Variants in DSCAML1 observed in about 807,000 individuals in gnomAD.
DSCAML1 encodes the protein DS cell adhesion molecule like 1.
Under a neutral mutation model 200.5 loss-of-function variants are expected in DSCAML1, and 38 were observed. That is an observed-to-expected ratio of 0.19 (90% CI 0.15 to 0.25). DSCAML1 has a LOEUF of 0.25. DSCAML1 is among the 10% of genes least tolerant of loss of function. The pLI, the probability that DSCAML1 is intolerant of heterozygous loss-of-function variation, is 1.00. For missense variants in DSCAML1, 2,223 were observed against 2,858.8 expected (o/e 0.78, Z 5.07); for synonymous variants, 1,215 against 1,165.0 (o/e 1.04, Z -0.87).
At chr11:117,737,017 G>A (rs2071245677) in intron 3 of DSCAML1, among the ~76,000 whole-genome samples, 1 of 152,170 alleles carries the variant, frequency 6.6e-6, no homozygotes, top group South Asian at 2.1e-4. Flanking sequence ...CCGGCACACA[G>A]CAAGAGCTCA....
At position 117,675,550 on chromosome 11, in the gene DSCAML1, CA is replaced by C. The variant is rs112845036; in HGVS notation, c.511+101240del. Among the ~76,000 whole-genome samples the C allele has an allele frequency of 2.6e-3, 372 of 142,012 alleles. 3 individuals carry two copies. Among genetic ancestry groups the C allele is most frequent in the African/African-American group, 9.5e-3 (358 of 37,740 alleles). The allele number at this position is 142,012 out of a possible 152,430, so 93.2% of individuals were successfully genotyped here. Reference sequence around the variant, plus strand: ...CAGGTTGATCTTAAACTTCTGGCCTCAAGCAATACTCCCACCTCTGGGGACC... The same window carrying C: ...CAGGTTGATCTTAAACTTCTGGCCTCAGCAATACTCCCACCTCTGGGGACC... On this transcript the variant is annotated intron_variant, in intron 3 of 32. Coordinates refer to ENST00000651296, the MANE Select transcript of DSCAML1 (RefSeq NM_020693.4).
At chr11:117,465,992 G>T (rs78577579) in intron 16 of DSCAML1, among the ~76,000 whole-genome samples, 5,593 of 152,294 alleles carry the variant, frequency 0.037, 172 homozygotes, top group Non-Finnish European at 0.056. Flanking sequence ...TACATTGCTG[G>T]TGGGAATGGA....
At chr11:117,753,024 G>A (rs2054628235) in intron 3 of DSCAML1, among the ~76,000 whole-genome samples, 1 of 152,186 alleles carries the variant, frequency 6.6e-6, no homozygotes, top group Non-Finnish European at 1.5e-5. Flanking sequence ...GACACAGCAA[G>A]TAACTGCACG....
At position 117,737,424 on chromosome 11, in the gene DSCAML1, G is replaced by A. The variant is rs550904282; in HGVS notation, c.511+39367C>T. On this transcript the variant is annotated intron_variant, in intron 3 of 32. Transcript: ENST00000651296. ...AGTGCATGGGGGAATGCCAGGTGCCGCCTGCTCCCAGGGAGCACACCTCAG... is the reference window on the plus strand; with the variant it reads ...AGTGCATGGGGGAATGCCAGGTGCCACCTGCTCCCAGGGAGCACACCTCAG... Among the ~76,000 whole-genome samples the A allele has an allele frequency of 1.2e-4, 19 of 152,236 alleles. 1 individual carries two copies. Among genetic ancestry groups the A allele is most frequent in the African/African-American group, 4.1e-4 (17 of 41,536 alleles).
chr11:117,458,979 C>T, intron 18 of DSCAML1, 70 bp from the exon 19 acceptor site: 2 of 1,568,348 alleles, frequency 1.3e-6, no homozygotes, highest in Admixed American at 3.4e-5. Context: ...ACCCCTGCTG[C>T]CTGGGCTCTG....
chr11:117,580,695 T>A (rs1208516793), intron 3 of DSCAML1, among the ~76,000 whole-genome samples: 2 of 152,182 alleles, frequency 1.3e-5, no homozygotes, highest in African/African-American at 4.8e-5. Flanking sequence ...CATGGGCAAA[T>A]CACCTGGAGC....
At chr11:117,753,627 T>C (rs990280871) in intron 3 of DSCAML1, among the ~76,000 whole-genome samples, 1 of 152,192 alleles carries the variant, frequency 6.6e-6, no homozygotes, top group African/African-American at 2.4e-5. Flanking sequence ...ACACTTTTGT[T>C]GATTGTCAAG....
chr11:117,797,235 T>A (rs1413956750), upstream of DSCAML1: 4 of 1,462,556 alleles, frequency 2.7e-6, no homozygotes, highest in Admixed American at 1.0e-4. Context: ...GGCTCCTCCC[T>A]CCTCGGCTCC....
chr11:117,664,530 T>A (rs895865524), intron 3 of DSCAML1, among the ~76,000 whole-genome samples: 1 of 152,158 alleles, frequency 6.6e-6, no homozygotes, highest in African/African-American at 2.4e-5. Flanking sequence ...CTTACATTGC[T>A]GTTTTGAGGT....
intron 3 of DSCAML1, among the ~76,000 whole-genome samples, chr11:117,760,160 G>A (rs553367558): frequency 6.6e-6 from 1 of 152,300 alleles, no homozygotes; most frequent in Admixed American, 6.5e-5. Flanking sequence ...ACATGGTGTT[G>A]AAATGGTTTG....
In DSCAML1 at chr11:117,505,497, G is replaced by A. The variant is rs116946216; in HGVS notation, c.2019C>T (p.Asn673=). 3.8e-3 allele frequency: 6,189 copies of A among 1,612,830 alleles called. 22 individuals are homozygous for A. Among genetic ancestry groups the A allele is most frequent in the Middle Eastern group, 4.6e-3 (28 of 6,062 alleles). The change falls in exon 9 of 33, where the codon AAC becomes AAT. Residue 673 remains asparagine (N), a synonymous_variant. Transcript: ENST00000651296. This position sits in a 1 kb window ranked among gnomAD's most constrained non-coding sequence, Gnocchi z 6.7. Reference sequence around the variant, plus strand: ...GCTCCCGGCTCACGGTGGCGGCTGCGTTGCTGGCGATGCATGTATAGTTGC... The same window carrying A: ...GCTCCCGGCTCACGGTGGCGGCTGCATTGCTGGCGATGCATGTATAGTTGC... ...HNGNYTCIAS[N]AAATVSRERQ...
In DSCAML1 at chr11:117,438,929, G is replaced by T. The variant is rs1178402456; in HGVS notation, c.4199C>A (p.Thr1400Asn). ...TVSKTSASSITLTWIPGDNGG... is the reference protein window; with the variant it reads ...TVSKTSASSINLTWIPGDNGG... ...ATTGTCACCTGGAATCCAGGTCAGG[G>T]TGATGGACGAAGCTGAGGTTTTGGA... The change falls in exon 24 of 33, where the codon ACC becomes AAC. Residue 1400 changes from threonine to asparagine, a missense_variant. By Grantham distance (65) the Thr-to-Asn change is moderately conservative. Transcript: ENST00000651296. 1 of 1,609,830 alleles carries T rather than the reference G, an allele frequency of 6.2e-7. No individual in the cohort carries two copies. Among genetic ancestry groups the T allele is most frequent in the Admixed American group, 1.7e-5 (1 of 59,110 alleles).
At chr11:117,508,182 G>A in intron 8 of DSCAML1, among the ~76,000 whole-genome samples, 1 of 152,094 alleles carries the variant, frequency 6.6e-6, no homozygotes, top group African/African-American at 2.4e-5. Flanking sequence ...AGGCCTCCTG[G>A]AAAACTCCCC....
chr11:117,465,466 G>T (rs2048562714), intron 16 of DSCAML1, among the ~76,000 whole-genome samples: 1 of 152,146 alleles, frequency 6.6e-6, no homozygotes, highest in South Asian at 2.1e-4. Context: ...CCCCTCTGCC[G>T]CGTCCTTGCC....
intron 3 of DSCAML1, among the ~76,000 whole-genome samples, chr11:117,617,848 G>A (rs1051398014): frequency 7.2e-5 from 11 of 151,946 alleles, no homozygotes; most frequent in African/African-American, 1.2e-4. Context: ...GCCTCCCCTC[G>A]CTACCCCCTA....
At chr11:117,641,250 TTCTCCCCACCCTTAATGATG>T (rs2052400353) in intron 3 of DSCAML1, among the ~76,000 whole-genome samples, 3 of 152,326 alleles carry the variant, frequency 2.0e-5, no homozygotes, top group Admixed American at 2.0e-4. Context: ...GGGTGCCACC[TTCTCCCCACCCTTAATGATG>T]GAGCCTCATC....
At chr11:117,751,532 G>A (rs1565262844) in intron 3 of DSCAML1, among the ~76,000 whole-genome samples, 1 of 151,870 alleles carries the variant, frequency 6.6e-6, no homozygotes, top group Non-Finnish European at 1.5e-5. Context: ...GCACCATCTC[G>A]GGGCTTGGAC....
chr11:117,744,040 C>T (rs1397568896), intron 3 of DSCAML1, among the ~76,000 whole-genome samples: 2 of 152,196 alleles, frequency 1.3e-5, no homozygotes, highest in African/African-American at 2.4e-5. Context: ...GATGCGAGAA[C>T]AGCACTGTGC....
intron 3 of DSCAML1, among the ~76,000 whole-genome samples, chr11:117,624,803 G>T (rs774740094): frequency 6.6e-5 from 10 of 152,316 alleles, no homozygotes; most frequent in Non-Finnish European, 1.2e-4. Flanking sequence ...CCATTGGGAA[G>T]AGAAGACATC....
Sources: gnomAD v4.1 joint callset for allele counts (sites outside exome capture counted in the v4.1 genomes callset) on GRCh38, gnomAD v4.1.1 for gene constraint, Gnocchi (gnomAD v3.1) non-coding constraint, MANE v1.5 for transcripts, NCBI Gene and HGNC (gene_info 2026-07-23, HGNC 2026-07-21) for gene names.